CREBBP: variants seen among roughly 807,000 people sequenced by gnomAD.
CREBBP encodes CREB binding lysine acetyltransferase.
Under a neutral mutation model 265.0 loss-of-function variants are expected in CREBBP, and 19 were observed. The ratio of observed to expected loss-of-function variants is 0.07; its 90% confidence interval spans 0.05 to 0.11. The LOEUF (loss-of-function observed/expected upper bound fraction) is 0.11. CREBBP is among the 10% of genes least tolerant of loss of function. The pLI is 1.00. For missense variants in CREBBP, 2,525 were observed against 3,219.0 expected (o/e 0.78, Z 5.22); for synonymous variants, 1,457 against 1,223.7 (o/e 1.19, Z -3.98).
At chr16:3,729,921 T>C (rs750368480) in intron 30 of CREBBP, 47 bp from the exon 31 acceptor site, 1 of 1,593,500 alleles carries the variant, frequency 6.3e-7, no homozygotes, top group Non-Finnish European at 8.5e-7. Context: ...TGGGACCCAG[T>C]ACCACCAGGC....
At chr16:3,848,377 T>C (rs2054713668) in intron 2 of CREBBP, among the ~76,000 whole-genome samples, 1 of 152,172 alleles carries the variant, frequency 6.6e-6, no homozygotes, top group Admixed American at 6.5e-5. Context: ...GGGACCATGA[T>C]GTCAAAACTA....
In CREBBP at chr16:3,728,091, T is replaced by A. The variant is rs587778215; in HGVS notation, c.6956A>T (p.His2319Leu). 6.8e-6 allele frequency: 11 copies of A among 1,614,004 alleles called. No individual in the cohort carries two copies. Among genetic ancestry groups the A allele is most frequent in the Non-Finnish European group, 8.5e-6 (10 of 1,180,006 alleles). ...GQPNPMSPQQ[H>L]MLSGQPQASH... ...GGCCTGTGGCTGTCCTGAGAGCATGTGTTGCTGGGGGCTCATGGGGTTCGG... is the reference window on the plus strand; with the variant it reads ...GGCCTGTGGCTGTCCTGAGAGCATGAGTTGCTGGGGGCTCATGGGGTTCGG... Residue 2319 changes from histidine to leucine, a missense_variant, in exon 31 of 31, where the codon CAC becomes CTC. By Grantham distance (99) the His-to-Leu change is moderately conservative. This residue lies in a region of CREBBP where 473 missense variants were observed against 459.3 expected (regional missense o/e 1.03). Transcript: ENST00000262367. The surrounding 1 kb of genome is among the most constrained non-coding windows in gnomAD (Gnocchi z 8.7).
intron 16 of CREBBP, chr16:3,761,462 A>C: frequency 2.0e-6 from 1 of 500,298 alleles, no homozygotes; most frequent in Non-Finnish European, 4.0e-6. Flanking sequence ...GCAAAAGTTA[A>C]AAGTTGGAAG....
chr16:3,826,997 T>A (rs1386751501), intron 2 of CREBBP, among the ~76,000 whole-genome samples: 2 of 152,174 alleles, frequency 1.3e-5, no homozygotes, highest in East Asian at 1.9e-4. Flanking sequence ...AAAACTGTTC[T>A]CAACATAGAG....
chr16:3,754,477 T>C (rs1025113737), intron 19 of CREBBP, among the ~76,000 whole-genome samples: 5 of 152,220 alleles, frequency 3.3e-5, no homozygotes, highest in African/African-American at 1.2e-4. Context: ...GCTTGATGAA[T>C]ATGGAATTGC....
At chr16:3,765,194 T>C (rs1379675677) in intron 16 of CREBBP, among the ~76,000 whole-genome samples, 1 of 152,204 alleles carries the variant, frequency 6.6e-6, no homozygotes, top group African/African-American at 2.4e-5. Flanking sequence ...GCCAGGATGG[T>C]CCTGATCTGC....
intron 16 of CREBBP, among the ~76,000 whole-genome samples, chr16:3,759,479 C>G (rs192971773): frequency 6.6e-6 from 1 of 151,464 alleles, no homozygotes; most frequent in Non-Finnish European, 1.5e-5. Flanking sequence ...CCCCGCTACT[C>G]GAGAGGGTGA....
At chr16:3,789,670 A>G (rs1266179964) in intron 5 of CREBBP, among the ~76,000 whole-genome samples, 1 of 152,046 alleles carries the variant, frequency 6.6e-6, no homozygotes, top group East Asian at 1.9e-4. Flanking sequence ...TAAAATTTAC[A>G]AAAAGGATAT....
At chr16:3,739,458 G>A in intron 25 of CREBBP, 120 bp downstream of exon 25, 1 of 1,165,450 alleles carries the variant, frequency 8.6e-7, no homozygotes, top group Middle Eastern at 2.8e-4. Context: ...AGTTAATTGT[G>A]GTTTCATTTA....
At chr16:3,734,165 A>C (rs530707941) in intron 28 of CREBBP, among the ~76,000 whole-genome samples, 1 of 152,148 alleles carries the variant, frequency 6.6e-6, no homozygotes, top group Admixed American at 6.5e-5. Flanking sequence ...ACCTGACACT[A>C]TCGCGAGCCT....
intron 15 of CREBBP, among the ~76,000 whole-genome samples, chr16:3,768,344 A>G (rs1480420635): frequency 6.6e-6 from 1 of 151,710 alleles, no homozygotes; most frequent in Non-Finnish European, 1.5e-5. Context: ...ATGGGGTTTC[A>G]TCATGTTGGC....
chr16:3,772,915 C>CAAAAAAACAAA (rs2053048457), intron 13 of CREBBP, among the ~76,000 whole-genome samples: 1 of 88,842 alleles, frequency 1.1e-5, no homozygotes, highest in Non-Finnish European at 2.1e-5. Context: ...ACTAAAAATA[C>CAAAAAAACAAA]AAAAAAAAAA....
In CREBBP at chr16:3,772,246, A is replaced by G. The variant is rs115598271; in HGVS notation, c.2464-1260T>C. On this transcript the variant is annotated intron_variant, in intron 13 of 30. Transcript: ENST00000262367. Reference sequence around the variant, plus strand: ...AAATAAATAAATAAAAATAAGAATAAAAGTTATTGACCATAAATATATACA... The same window carrying G: ...AAATAAATAAATAAAAATAAGAATAGAAGTTATTGACCATAAATATATACA... Among the ~76,000 whole-genome samples, 986 of 151,992 alleles carry G rather than the reference A, an allele frequency of 6.5e-3. 13 individuals carry two copies. Among genetic ancestry groups the G allele is most frequent in the African/African-American group, 0.022 (932 of 41,430 alleles).
intron 2 of CREBBP, 93 bp downstream of exon 2, chr16:3,850,204 C>T (rs560458644): frequency 3.9e-6 from 5 of 1,290,750 alleles, no homozygotes; most frequent in Admixed American, 1.7e-5. Flanking sequence ...AGAGGAAAAA[C>T]AGGAGTGGGC....
chr16:3,740,664 T>C (rs1596813985), intron 23 of CREBBP, 115 bp from the exon 24 acceptor site: 7 of 1,208,474 alleles, frequency 5.8e-6, no homozygotes, highest in Non-Finnish European at 7.2e-6. Context: ...AAAGGACTAA[T>C]GTTCTCCAAA....
At chr16:3,869,461 A>C (rs2055247309) in intron 1 of CREBBP, among the ~76,000 whole-genome samples, 1 of 152,230 alleles carries the variant, frequency 6.6e-6, no homozygotes, top group Non-Finnish European at 1.5e-5. Context: ...GATCGTTTTA[A>C]AGGAACTTTG....
chr16:3,815,890 T>C (rs1365075005), intron 2 of CREBBP, among the ~76,000 whole-genome samples: 1 of 152,090 alleles, frequency 6.6e-6, no homozygotes, highest in East Asian at 1.9e-4. Context: ...TACAAAGTCT[T>C]ATTCATTCTT....
intron 2 of CREBBP, among the ~76,000 whole-genome samples, chr16:3,841,381 A>G (rs753035994): frequency 2.6e-5 from 4 of 152,178 alleles, no homozygotes; most frequent in Non-Finnish European, 5.9e-5. Flanking sequence ...CAGCGTAATA[A>G]TAAGAAAAAT....
At chr16:3,764,764 G>A (rs1233313480) in intron 16 of CREBBP, among the ~76,000 whole-genome samples, 1 of 151,684 alleles carries the variant, frequency 6.6e-6, no homozygotes, top group Non-Finnish European at 1.5e-5. Context: ...TTAATTTTTT[G>A]TAGAGACAGG....
Sources: gnomAD v4.1 joint callset for allele counts (sites outside exome capture counted in the v4.1 genomes callset) on GRCh38, gnomAD v4.1.1 for gene constraint, gnomAD v4.1.1 regional missense constraint, Gnocchi (gnomAD v3.1) non-coding constraint, MANE v1.5 for transcripts, NCBI Gene and HGNC (gene_info 2026-07-23, HGNC 2026-07-21) for gene names.